Variants in FAM20A observed in about 807,000 individuals in gnomAD.
FAM20A encodes the protein FAM20A golgi associated secretory pathway pseudokinase, also known as pseudokinase FAM20A.
A neutral mutation model predicts 52.0 loss-of-function variants in FAM20A; 42 were observed. The observed-to-expected ratio is 0.81, with a 90% CI of 0.63 to 1.04. The LOEUF is 1.04. FAM20A is among the 50% of genes least tolerant of loss of function. FAM20A has a pLI of 0.00. For missense variants in FAM20A, 742 were observed against 712.7 expected, an observed-to-expected ratio of 1.04 and a Z score of -0.47; for synonymous variants, 304 against 298.9, an observed-to-expected ratio of 1.02 and a Z score of -0.18.
intron 1 of FAM20A, among the ~76,000 whole-genome samples, chr17:68,567,133 T>C (rs921318981): frequency 2.0e-5 from 3 of 151,892 alleles, no homozygotes; most frequent in Non-Finnish European, 2.9e-5. Context: ...GACTCATAAA[T>C]TCCACTGCTC....
At chr17:68,571,900 A>G (rs2087544103) in intron 1 of FAM20A, among the ~76,000 whole-genome samples, 2 of 149,178 alleles carry the variant, frequency 1.3e-5, no homozygotes, top group African/African-American at 4.9e-5. Context: ...ATTACTGGTG[A>G]CTTGAAGGCT....
chr17:68,551,340 CTTGA>C, intron 4 of FAM20A: 1 of 391,388 alleles, frequency 2.6e-6, no homozygotes, highest in Non-Finnish European at 4.5e-6. Context: ...AGTAGCCTTT[CTTGA>C]TTGTCTAGTT....
In FAM20A at chr17:68,581,358, C is replaced by CTTTCTTTCT. The variant is rs1555831959; in HGVS notation, c.404+18896_404+18904dup. Among the ~76,000 whole-genome samples the CTTTCTTTCT allele has an allele frequency of 1.3e-4, 15 of 112,630 alleles. No individual in the cohort carries two copies. The East Asian group carries it at 3.3e-3, about 24-fold the overall frequency. The allele number at this position is 112,630 out of a possible 152,430, so 73.9% of individuals were successfully genotyped here. A position where few individuals can be genotyped will look rare whatever the true frequency, so the allele number is the denominator to read the frequency against. Reference sequence around the variant, plus strand: ...TATCTCCGAAATGCAGTTTTTCTTTCTTTCTTTCTTTCTTTCTTTCTTTCT... The same window carrying CTTTCTTTCT: ...TATCTCCGAAATGCAGTTTTTCTTTCTTTCTTTCTTTTCTTTCTTTCTTTCTTTCTTTCT... On this transcript the variant is annotated intron_variant, in intron 1 of 10. Coordinates refer to ENST00000592554, the MANE Select transcript of FAM20A (RefSeq NM_017565.4).
intron 10 of FAM20A, 139 bp downstream of exon 10, chr17:68,539,198 G>T (rs916747550): frequency 4.3e-5 from 33 of 764,032 alleles, no homozygotes; most frequent in Non-Finnish European, 5.7e-5. Flanking sequence ...AAATGTGTAG[G>T]AAATAAGGTG....
intron 1 of FAM20A, among the ~76,000 whole-genome samples, chr17:68,568,240 C>T (rs1376334036): frequency 6.6e-6 from 1 of 151,872 alleles, no homozygotes; most frequent in African/African-American, 2.4e-5. Flanking sequence ...GAGGCCGAGG[C>T]AGGCGGATCA....
rs749771026 is a variant in FAM20A at position 68,539,953 on chromosome 17, C to T, written c.1233G>A (p.Arg411=). 1.2e-6 allele frequency: 2 copies of T among 1,614,016 alleles called. No individual in the cohort carries two copies. Among genetic ancestry groups the T allele is most frequent in the Admixed American group, 3.3e-5 (2 of 59,994 alleles). Residue 411 remains arginine, a synonymous_variant, in exon 9 of 11, where the codon CGG becomes CGA. Coordinates refer to ENST00000592554, the MANE Select transcript of FAM20A (RefSeq NM_017565.4). ...IFDFLIGNMD[R]HHYEMFTKFG... ...ACTTGGTGAACATCTCATAATGGTG[C>T]CGGTCCATATTCCCTGTGAAGGAGG...
intron 1 of FAM20A, among the ~76,000 whole-genome samples, chr17:68,572,017 T>C (rs1387636942): frequency 1.8e-4 from 21 of 117,080 alleles, no homozygotes; most frequent in African/African-American, 6.1e-4. Flanking sequence ...TATATATATA[T>C]ATATATATAT....
rs1183811602 is a variant in FAM20A at position 68,537,362 on chromosome 17, T to G, written c.*115A>C. Reference sequence around the variant, plus strand: ...CTGTTTGAGAAAATGTCCTGCTTCCTTCCTAGCTGACTTGACTCCCAGCAG... The same window carrying G: ...CTGTTTGAGAAAATGTCCTGCTTCCGTCCTAGCTGACTTGACTCCCAGCAG... On this transcript the variant is annotated 3_prime_UTR_variant, in exon 11 of 11. Coordinates refer to ENST00000592554, the MANE Select transcript of FAM20A (RefSeq NM_017565.4). The surrounding 1 kb of genome is among the most constrained non-coding windows in gnomAD (Gnocchi z 4.2). 2 of 1,353,970 alleles carry G rather than the reference T, an allele frequency of 1.5e-6. No homozygotes were observed. Among genetic ancestry groups the G allele is most frequent in the Non-Finnish European group, 2.1e-6 (2 of 956,690 alleles). The allele number at this position is 1,353,970 out of a possible 1,614,324, so 83.9% of individuals were successfully genotyped here.
Position 68,535,662 on chromosome 17 carries a change from A to G in FAM20A, c.*1815T>C. On this transcript the variant is annotated 3_prime_UTR_variant, in exon 11 of 11. Coordinates refer to ENST00000592554, the MANE Select transcript of FAM20A (RefSeq NM_017565.4). ...GTTTCTCTGTTAAAGAGTTGATTTAAAAAAAAATTTTTTTTTTTTTGTATT... is the reference window on the plus strand; with the variant it reads ...GTTTCTCTGTTAAAGAGTTGATTTAGAAAAAAATTTTTTTTTTTTTGTATT... 1 of 446,930 alleles carries G rather than the reference A, an allele frequency of 2.2e-6. No individual in the cohort carries two copies. The highest frequency in any genetic ancestry group is 4.4e-6 in the Non-Finnish European group (1 of 225,548). The allele number at this position is 446,930 out of a possible 1,614,324, so 27.7% of individuals were successfully genotyped here.
intron 1 of FAM20A, among the ~76,000 whole-genome samples, chr17:68,558,618 G>A (rs543172906): frequency 6.6e-6 from 1 of 152,260 alleles, no homozygotes; most frequent in African/African-American, 2.4e-5. Flanking sequence ...GTTTTCTGAG[G>A]CCCTCACCAG....
chr17:68,539,852 A>G, intron 9 of FAM20A, 33 bp downstream of exon 9: 1 of 1,602,624 alleles, frequency 6.2e-7, no homozygotes, highest in Non-Finnish European at 8.5e-7. Flanking sequence ...CATCTGGGAG[A>G]GGGGATTGTT....
At chr17:68,547,706 A>G (rs1439884084) in intron 4 of FAM20A, among the ~76,000 whole-genome samples, 1 of 152,226 alleles carries the variant, frequency 6.6e-6, no homozygotes, top group Admixed American at 6.5e-5. Context: ...GCTTAAGGGA[A>G]TGCTGTGGCT....
intron 4 of FAM20A, among the ~76,000 whole-genome samples, chr17:68,548,425 A>G (rs2086668533): frequency 6.6e-6 from 1 of 152,042 alleles, no homozygotes; most frequent in Admixed American, 6.5e-5. Flanking sequence ...AGCTATTTGG[A>G]AGGCTGAGGC....
chr17:68,539,300 G>A, intron 10 of FAM20A, 37 bp downstream of exon 10: 1 of 1,610,332 alleles, frequency 6.2e-7, no homozygotes, highest in Non-Finnish European at 8.5e-7. Context: ...GGTCACAACT[G>A]TTACTTGCCC....
intron 8 of FAM20A, 126 bp from the exon 9 acceptor site, chr17:68,540,092 G>A (rs2086221658): frequency 2.3e-5 from 18 of 780,564 alleles, no homozygotes; most frequent in Admixed American, 4.0e-5. Flanking sequence ...ACGAAGCTGG[G>A]CCTCACACTG....
At position 68,536,903 on chromosome 17, in the gene FAM20A, A is replaced by T. The variant is rs952001488; in HGVS notation, c.*574T>A. 4 of 453,972 alleles carry T rather than the reference A, an allele frequency of 8.8e-6. No individual in the cohort carries two copies. Among genetic ancestry groups the T allele is most frequent in the South Asian group, 1.6e-5 (1 of 64,476 alleles). 28.1% of individuals were successfully genotyped at this position (453,972 alleles called of 1,614,324 possible). On this transcript the variant is annotated 3_prime_UTR_variant, in exon 11 of 11. Transcript: ENST00000592554. ...CTTGTTATAATATCTCTAAGAAGTT[A>T]CTCCAGGACCGGGCAGTAGGGATTA...
chr17:68,553,865 TAC>T (rs1369008646), intron 3 of FAM20A, among the ~76,000 whole-genome samples: 7 of 148,258 alleles, frequency 4.7e-5, no homozygotes, highest in East Asian at 3.9e-4. Context: ...TATACATATA[TAC>T]ACACATGCAT....
chr17:68,566,421 AT>A (rs1232445345), intron 1 of FAM20A, among the ~76,000 whole-genome samples: 3 of 152,180 alleles, frequency 2.0e-5, no homozygotes, highest in Non-Finnish European at 4.4e-5. Flanking sequence ...GCCTGAGTAT[AT>A]TTTTGGTATT....
At chr17:68,597,177 T>A (rs1223849680) in intron 1 of FAM20A, among the ~76,000 whole-genome samples, 1 of 151,856 alleles carries the variant, frequency 6.6e-6, no homozygotes, top group Non-Finnish European at 1.5e-5. Flanking sequence ...GAAGGATACT[T>A]TCTGACTTCA....
Sources: gnomAD v4.1 joint callset for allele counts (sites outside exome capture counted in the v4.1 genomes callset) on GRCh38, gnomAD v4.1.1 for gene constraint, Gnocchi (gnomAD v3.1) non-coding constraint, MANE v1.5 for transcripts, NCBI Gene and HGNC (gene_info 2026-07-23, HGNC 2026-07-21) for gene names.